The following POT1 variants were observed in gnomAD, a reference collection of about 807,000 sequenced individuals.
POT1 encodes the protein protection of telomeres protein 1.
In POT1, 47 loss-of-function variants were observed where a neutral mutation model predicts 78.5. That is an observed-to-expected ratio of 0.60 (90% CI 0.47 to 0.76). The LOEUF (loss-of-function observed/expected upper bound fraction) is 0.76. POT1 is among the 30% of genes least tolerant of loss of function. The probability of loss-of-function intolerance (pLI) is 0.00; values close to 1 mark genes in which losing one functional copy is unlikely to be tolerated. For missense variants in POT1, 646 were observed against 749.9 expected (o/e 0.86, Z 1.62); for synonymous variants, 259 against 260.7 (o/e 0.99, Z 0.06).
chr7:124,827,597 A>G (rs1794663111), intron 16 of POT1, among the ~76,000 whole-genome samples: 1 of 152,184 alleles, frequency 6.6e-6, no homozygotes, highest in Admixed American at 6.5e-5. Context: ...AGCAGAGGAC[A>G]GTTTGTGTTT....
chr7:124,854,159 A>G (rs1449133247), intron 9 of POT1, among the ~76,000 whole-genome samples: 1 of 152,026 alleles, frequency 6.6e-6, no homozygotes, highest in African/African-American at 2.4e-5. Flanking sequence ...TCAGATATTT[A>G]CAGATTTTGG....
intron 6 of POT1, among the ~76,000 whole-genome samples, chr7:124,875,316 T>G (rs1795963328): frequency 6.6e-6 from 1 of 152,166 alleles, no homozygotes; most frequent in African/African-American, 2.4e-5. Flanking sequence ...ATTAATTATT[T>G]CTGTGTACAC....
At chr7:124,898,570 C>T (rs1263937428) in intron 3 of POT1, among the ~76,000 whole-genome samples, 196 bp from the exon 4 acceptor site, 1 of 151,954 alleles carries the variant, frequency 6.6e-6, no homozygotes, top group East Asian at 1.9e-4. Context: ...ACATCTTCAA[C>T]ATCTACAGCT....
intron 6 of POT1, among the ~76,000 whole-genome samples, chr7:124,884,952 A>G (rs563211985): frequency 2.6e-5 from 4 of 151,760 alleles, no homozygotes; most frequent in Admixed American, 6.6e-5. Context: ...AAATTCCCTT[A>G]TATGTGTTAT....
chr7:124,925,466 T>A (rs1049664356), intron 2 of POT1, among the ~76,000 whole-genome samples: 1 of 151,656 alleles, frequency 6.6e-6, no homozygotes, highest in Non-Finnish European at 1.5e-5. Flanking sequence ...GTAAACAACA[T>A]AAAAAAATGG....
intron 9 of POT1, 142 bp from the exon 10 acceptor site, chr7:124,853,280 T>C (rs950685008): frequency 4.8e-6 from 3 of 621,250 alleles, no homozygotes; most frequent in African/African-American, 3.7e-5. Flanking sequence ...AAGTATGCTA[T>C]ACGAGTGTGG....
chr7:124,875,336 C>CT (rs910109001), intron 6 of POT1, among the ~76,000 whole-genome samples: 1 of 151,932 alleles, frequency 6.6e-6, no homozygotes, highest in Non-Finnish European at 1.5e-5. Context: ...CTTAAAAAGA[C>CT]TAATTTTTAA....
intron 6 of POT1, among the ~76,000 whole-genome samples, chr7:124,873,598 A>T (rs549974330): frequency 2.3e-4 from 35 of 152,194 alleles, no homozygotes; most frequent in African/African-American, 8.2e-4. Flanking sequence ...TATCAGAGTG[A>T]TGCTGGCCTC....
At chr7:124,824,387 A>T (rs1196690797) in intron 18 of POT1, among the ~76,000 whole-genome samples, 2 of 152,044 alleles carry the variant, frequency 1.3e-5, no homozygotes, top group Admixed American at 6.6e-5. Context: ...TGGGTCTACC[A>T]GGCCCATGCT....
In POT1 at chr7:124,865,159, G is replaced by C. The variant is rs555085295; in HGVS notation, c.256-1519C>G. 6.6e-5 allele frequency among the ~76,000 whole-genome samples: 10 copies of C among 151,964 alleles called. No homozygotes were observed. The South Asian group carries it at 2.1e-3, about 32-fold the overall frequency. ...TGTTCTCTGGGTGTCACTGTCTCTG[G>C]TAAGAAGTGAAAGATGACTGGTATC... On this transcript the variant is annotated intron_variant, in intron 7 of 18. Coordinates refer to ENST00000357628, the MANE Select transcript of POT1 (RefSeq NM_015450.3).
chr7:124,905,989 C>T lies in POT1; in HGVS notation c.-153-7615G>A, dbSNP rs1047099840. On this transcript the variant is annotated intron_variant, in intron 3 of 18. Coordinates refer to ENST00000357628, the MANE Select transcript of POT1 (RefSeq NM_015450.3). ...CAATCATTAAAAAGCCAGGAAACAA[C>T]AGGTGCTGGAGAGGATGTGGAGAAA... 2.6e-5 allele frequency among the ~76,000 whole-genome samples: 4 copies of T among 152,136 alleles called. No homozygotes were observed. In the East Asian group the frequency reaches 5.8e-4, roughly 22 times the overall value.
At chr7:124,899,247 CT>C (rs975043050) in intron 3 of POT1, among the ~76,000 whole-genome samples, 1 of 152,168 alleles carries the variant, frequency 6.6e-6, no homozygotes, top group Non-Finnish European at 1.5e-5. Context: ...ATTTACAGGA[CT>C]TGGCACAAAG....
chr7:124,826,610 G>A (rs570940561), intron 17 of POT1, among the ~76,000 whole-genome samples: 7 of 152,248 alleles, frequency 4.6e-5, no homozygotes, highest in South Asian at 2.1e-4. Flanking sequence ...GGTGGCTCAC[G>A]CCTGTAATCT....
chr7:124,875,899 A>C (rs1452886885), intron 6 of POT1, among the ~76,000 whole-genome samples: 1 of 152,188 alleles, frequency 6.6e-6, no homozygotes, highest in African/African-American at 2.4e-5. Flanking sequence ...CTTACATGAT[A>C]TTTACATACC....
chr7:124,918,920 G>A (rs1029123472), intron 2 of POT1, among the ~76,000 whole-genome samples: 1 of 152,078 alleles, frequency 6.6e-6, no homozygotes, highest in Admixed American at 6.6e-5. Flanking sequence ...GGCCCTCACT[G>A]CATCACTCTG....
chr7:124,835,268 A>T lies in POT1; in HGVS notation c.1505+11T>A. 1 of 1,612,660 alleles carries T rather than the reference A, an allele frequency of 6.2e-7. No homozygotes were observed. The highest frequency in any genetic ancestry group is 8.5e-7 in the Non-Finnish European group (1 of 1,179,370). On this transcript the variant is annotated intron_variant, in intron 15 of 18. Coordinates refer to ENST00000357628, the MANE Select transcript of POT1 (RefSeq NM_015450.3). ...AAACAAAACAAAACAAAACAAAACA[A>T]AACAAAATACCCATAGTGATGTATT...
rs1289887868 is a variant in POT1 at position 124,859,176 on chromosome 7, T to C, written c.547-64A>G. 5 of 1,306,216 alleles carry C rather than the reference T, an allele frequency of 3.8e-6. No individual in the cohort carries two copies. The African/African-American group carries it at 4.5e-5, about 12-fold the overall frequency. 80.9% of individuals were successfully genotyped at this position (1,306,216 alleles called of 1,614,324 possible). ...AAAAAATGCTTGTGCTAAAAAGTTTTTTCCTGGAAACAGTATTTAAAAGTA... is the reference window on the plus strand; with the variant it reads ...AAAAAATGCTTGTGCTAAAAAGTTTCTTCCTGGAAACAGTATTTAAAAGTA... On this transcript the variant is annotated intron_variant, in intron 8 of 18. Transcript: ENST00000357628.
At chr7:124,869,603 G>A (rs1291579975) in intron 7 of POT1, among the ~76,000 whole-genome samples, 1 of 152,024 alleles carries the variant, frequency 6.6e-6, no homozygotes, top group Non-Finnish European at 1.5e-5. Flanking sequence ...TTATTTTTGA[G>A]TCAGAGTTTT....
intron 2 of POT1, among the ~76,000 whole-genome samples, chr7:124,918,480 A>T (rs1398652723): frequency 1.3e-5 from 2 of 152,224 alleles, no homozygotes; most frequent in Admixed American, 6.5e-5. Flanking sequence ...AATAAGAAAC[A>T]TAAGAAACAT....
Sources: allele counts gnomAD v4.1 joint callset (sites outside exome capture counted in the v4.1 genomes callset), GRCh38; gene constraint gnomAD v4.1.1; transcripts MANE v1.5; gene names NCBI Gene and HGNC (gene_info 2026-07-23, HGNC 2026-07-21).